Variants in CCDC15 observed in about 807,000 individuals in gnomAD.
CCDC15 encodes coiled-coil domain-containing protein 15.
A neutral mutation model predicts 114.5 loss-of-function variants in CCDC15; 105 were observed. The observed-to-expected ratio is 0.92, with a 90% confidence interval of 0.78 to 1.08. The LOEUF (loss-of-function observed/expected upper bound fraction) is 1.08. CCDC15 is among the 50% of genes least tolerant of loss of function. The pLI, the probability that CCDC15 is intolerant of heterozygous loss-of-function variation, is 0.00. For synonymous variants in CCDC15, 334 were observed against 377.8 expected (o/e 0.88, Z 1.34); for missense variants, 1,105 against 1,093.6 (o/e 1.01, Z -0.15).
At chr11:124,962,722 A>C (rs562061834) in intron 4 of CCDC15, among the ~76,000 whole-genome samples, 1 of 151,850 alleles carries the variant, frequency 6.6e-6, no homozygotes, top group Admixed American at 6.6e-5. Flanking sequence ...ATATGTATAC[A>C]TGTGCCATGT....
chr11:124,959,224 G>C lies in CCDC15; in HGVS notation c.287G>C (p.Arg96Thr), dbSNP rs753169854. 1.9e-6 allele frequency: 3 copies of C among 1,581,782 alleles called. No homozygotes were observed. Among genetic ancestry groups the C allele is most frequent in the African/African-American group, 2.7e-5 (2 of 73,104 alleles). Reference protein sequence around the residue: ...QVKYRVNQQIRLRKKQQLQKS... With the variant: ...QVKYRVNQQITLRKKQQLQKS... ...AAATACCGAGTAAATCAACAAATTA[G>C]GTTGAGAAAAAAGCAACAGCTTCAG... The change falls in exon 3 of 16, where the codon AGG becomes ACG. Residue 96 changes from arginine (R) to threonine (T), a missense_variant. Arg to Thr is a moderately conservative substitution (Grantham distance 71). Coordinates refer to ENST00000344762, the MANE Select transcript of CCDC15 (RefSeq NM_025004.3).
intron 5 of CCDC15, among the ~76,000 whole-genome samples, chr11:124,976,970 T>G (rs977344098): frequency 3.3e-5 from 5 of 152,174 alleles, no homozygotes; most frequent in Admixed American, 2.6e-4. Context: ...GGTGAAATTT[T>G]TCTTATTACT....
intron 3 of CCDC15, 91 bp from the exon 4 acceptor site, chr11:124,959,722 CAA>C: frequency 5.9e-6 from 4 of 680,680 alleles, no homozygotes; most frequent in Non-Finnish European, 8.5e-6. Flanking sequence ...CCCCCCACCC[CAA>C]TTTAAAATCT....
chr11:125,008,947 G>T (rs1348399125), intron 13 of CCDC15, among the ~76,000 whole-genome samples: 1 of 152,124 alleles, frequency 6.6e-6, no homozygotes, highest in Non-Finnish European at 1.5e-5. Context: ...AGCTGGGCGC[G>T]GTGGCTCACG....
intron 13 of CCDC15, among the ~76,000 whole-genome samples, chr11:125,036,056 T>A (rs1484439768): frequency 6.9e-6 from 1 of 145,966 alleles, no homozygotes; most frequent in Non-Finnish European, 1.5e-5. Flanking sequence ...TTTGTGTACT[T>A]ACTATTACTA....
chr11:125,019,085 A>T (rs2135534696), intron 13 of CCDC15, among the ~76,000 whole-genome samples: 1 of 152,138 alleles, frequency 6.6e-6, no homozygotes, highest in Non-Finnish European at 1.5e-5. Flanking sequence ...ATGTCATGAG[A>T]AAAAAATTTG....
intron 6 of CCDC15, among the ~76,000 whole-genome samples, chr11:124,983,910 A>G (rs1407680998): frequency 1.3e-5 from 2 of 152,066 alleles, no homozygotes; most frequent in East Asian, 3.9e-4. Context: ...TACTGGCATC[A>G]GTGTGCATGT....
chr11:124,988,263 CA>C, intron 8 of CCDC15, 129 bp downstream of exon 8: 1 of 955,952 alleles, frequency 1.0e-6, no homozygotes, highest in Non-Finnish European at 1.5e-6. Flanking sequence ...TGCAATAAAG[CA>C]AATATTGGAA....
intron 8 of CCDC15, among the ~76,000 whole-genome samples, chr11:124,988,558 A>C (rs962907782): frequency 6.6e-6 from 1 of 152,084 alleles, no homozygotes; most frequent in Non-Finnish European, 1.5e-5. Context: ...AAGATGATGA[A>C]GTTTGCCACA....
At chr11:125,032,105 A>G (rs1948743257) in intron 13 of CCDC15, among the ~76,000 whole-genome samples, 1 of 152,178 alleles carries the variant, frequency 6.6e-6, no homozygotes, top group Non-Finnish European at 1.5e-5. Flanking sequence ...CAATAAATTC[A>G]GTGTGTTTGC....
intron 9 of CCDC15, 54 bp downstream of exon 9, chr11:124,991,637 T>C: frequency 6.9e-7 from 1 of 1,442,176 alleles, no homozygotes; most frequent in East Asian, 2.4e-5. Flanking sequence ...GTTTTATAAA[T>C]CCCAACAACT....
rs565690661 is a variant in CCDC15 at position 124,986,698 on chromosome 11, T to C, written c.754-44T>C. 1.4e-3 allele frequency: 1,941 copies of C among 1,436,666 alleles called. 28 individuals are homozygous for C. In the African/African-American group the frequency reaches 0.015, roughly 11 times the overall value. The allele number at this position is 1,436,666 out of a possible 1,614,324, so 89.0% of individuals were successfully genotyped here. A position where few individuals can be genotyped will look rare whatever the true frequency, so the allele number is the denominator to read the frequency against. ...GTGTGTGTGTGTGTGTGTTTGTGTG[T>C]GTGCGCGCGCGCGCGTGCGCGTTTT... On this transcript the variant is annotated intron_variant, in intron 6 of 15. Coordinates refer to ENST00000344762, the MANE Select transcript of CCDC15 (RefSeq NM_025004.3).
rs529294442 is a variant in CCDC15 at position 125,028,610 on chromosome 11, G to A, written c.2412-9821G>A. On this transcript the variant is annotated intron_variant, in intron 13 of 15. Coordinates refer to ENST00000344762, the MANE Select transcript of CCDC15 (RefSeq NM_025004.3). ...GATTCTCAGCTTGGTCATTGTTGGT[G>A]TATAGCAGTACTCTTCATTTGTGTA... Among the ~76,000 whole-genome samples the A allele has an allele frequency of 3.1e-4, 47 of 152,216 alleles. No individual in the cohort carries two copies. In the South Asian group the frequency reaches 9.1e-3, roughly 30 times the overall value.
intron 5 of CCDC15, among the ~76,000 whole-genome samples, 180 bp downstream of exon 5, chr11:124,975,389 T>G (rs1947956635): frequency 6.6e-6 from 1 of 152,164 alleles, no homozygotes; most frequent in Non-Finnish European, 1.5e-5. Context: ...CTAAAAAATA[T>G]TTTCAAAGAA....
chr11:124,972,883 G>T (rs1358661865), intron 4 of CCDC15, among the ~76,000 whole-genome samples: 1 of 152,058 alleles, frequency 6.6e-6, no homozygotes, highest in African/African-American at 2.4e-5. Flanking sequence ...TGGCATTTAG[G>T]ACCCGTATGG....
intron 13 of CCDC15, among the ~76,000 whole-genome samples, chr11:125,034,932 T>A (rs1565384821): frequency 6.6e-6 from 1 of 152,070 alleles, no homozygotes; most frequent in East Asian, 1.9e-4. Context: ...TAAACTCTCA[T>A]ATATATATGG....
At position 124,987,888 on chromosome 11, in the gene CCDC15, A is replaced by C. The variant is rs1206351161; in HGVS notation, c.1662A>C (p.Leu554=). Residue 554 remains leucine (L), a synonymous_variant, in exon 8 of 16, where the codon CTA becomes CTC. Coordinates refer to ENST00000344762, the MANE Select transcript of CCDC15 (RefSeq NM_025004.3). The stretch of plus-strand genomic sequence containing the variant: ...TTCTCCCCAAAGACTGGAATATTCT[A>C]CCCAAATGTCAGGACCAGGATTTTC... ...QHVLPKDWNI[L]PKCQDQDFLP... 1 of 1,613,940 alleles carries C rather than the reference A, an allele frequency of 6.2e-7. No individual in the cohort carries two copies. Among genetic ancestry groups the C allele is most frequent in the Admixed American group, 1.7e-5 (1 of 60,030 alleles).
In CCDC15 at chr11:125,040,161, C is replaced by T. The variant is rs574466398; in HGVS notation, c.2735-429C>T. ...CCTGGGTTCAAGCGCCTCAGCCTAC[C>T]GAATATCTGGGATTACAGGTTTGTG... On this transcript the variant is annotated intron_variant, in intron 15 of 15. Transcript: ENST00000344762. 3.9e-5 allele frequency among the ~76,000 whole-genome samples: 6 copies of T among 152,018 alleles called. No individual in the cohort carries two copies. The South Asian group carries it at 6.2e-4, about 16-fold the overall frequency.
intron 11 of CCDC15, among the ~76,000 whole-genome samples, chr11:125,002,363 T>C (rs1948494508): frequency 6.6e-6 from 1 of 152,196 alleles, no homozygotes; most frequent in Non-Finnish European, 1.5e-5. Context: ...TTTCACTTTC[T>C]TGATGGTTTC....
Sources: allele counts gnomAD v4.1 joint callset (sites outside exome capture counted in the v4.1 genomes callset), GRCh38; gene constraint gnomAD v4.1.1; transcripts MANE v1.5; gene names NCBI Gene and HGNC (gene_info 2026-07-23, HGNC 2026-07-21).